The following EPHA6 variants were observed in gnomAD, a reference collection of about 807,000 sequenced individuals.
The protein encoded by EPHA6 is ephrin type-A receptor 6.
Under a neutral mutation model 112.0 loss-of-function variants are expected in EPHA6, and 50 were observed. That is an observed-to-expected ratio of 0.45 (90% CI 0.36 to 0.56). The LOEUF is 0.56. Ranked by LOEUF, EPHA6 falls within the 20% of genes least tolerant of loss-of-function variation. The probability of loss-of-function intolerance (pLI) is 0.00; values close to 1 mark genes in which losing one functional copy is unlikely to be tolerated. For synonymous variants in EPHA6, 529 were observed against 490.7 expected, an observed-to-expected ratio of 1.08 and a Z score of -1.03; for missense variants, 1,280 against 1,417.4, an observed-to-expected ratio of 0.90 and a Z score of 1.56.
chr3:97,032,838 G>A lies in EPHA6; in HGVS notation c.1114+44845G>A, dbSNP rs77701004. 8.6e-4 allele frequency among the ~76,000 whole-genome samples: 131 copies of A among 151,936 alleles called. No individual in the cohort carries two copies. In the East Asian group the frequency reaches 9.1e-3, roughly 11 times the overall value. ...GATAAAAGGCAAAATATTTTTTATCGGCTGAATCGCAATATAAGATGGACA... is the reference window on the plus strand; with the variant it reads ...GATAAAAGGCAAAATATTTTTTATCAGCTGAATCGCAATATAAGATGGACA... On this transcript the variant is annotated intron_variant, in intron 3 of 17. Transcript: ENST00000389672.
At chr3:97,223,814 G>A (rs4857249) in intron 3 of EPHA6, among the ~76,000 whole-genome samples, 36,077 of 152,164 alleles carry the variant, frequency 0.24, 11,075 homozygotes, top group African/African-American at 0.7. Context: ...CATGGGCAAC[G>A]TTGTAATCCA....
At chr3:97,186,036 G>A (rs889493858) in intron 3 of EPHA6, among the ~76,000 whole-genome samples, 1 of 134,548 alleles carries the variant, frequency 7.4e-6, no homozygotes, top group Non-Finnish European at 1.6e-5. Flanking sequence ...CACAAGAAGG[G>A]GAACATCACA....
At chr3:97,098,993 G>A (rs1445012533) in intron 3 of EPHA6, among the ~76,000 whole-genome samples, 1 of 151,886 alleles carries the variant, frequency 6.6e-6, no homozygotes, top group Non-Finnish European at 1.5e-5. Flanking sequence ...GCATGTAACA[G>A]TGTGGACAGA....
At chr3:97,043,330 CT>C (rs1663868002) in intron 3 of EPHA6, among the ~76,000 whole-genome samples, 1 of 152,092 alleles carries the variant, frequency 6.6e-6, no homozygotes, top group Non-Finnish European at 1.5e-5. Context: ...CAAACCTGAG[CT>C]GCCCATTCTC....
chr3:97,508,262 T>C (rs1324101985), intron 10 of EPHA6, among the ~76,000 whole-genome samples: 1 of 152,172 alleles, frequency 6.6e-6, no homozygotes, highest in Non-Finnish European at 1.5e-5. Flanking sequence ...TGTTAGGGTG[T>C]CAGTTTAGAT....
chr3:97,330,578 C>A (rs1233953911), intron 5 of EPHA6, among the ~76,000 whole-genome samples: 1 of 151,720 alleles, frequency 6.6e-6, no homozygotes, highest in Non-Finnish European at 1.5e-5. Flanking sequence ...CTCTTTGAAG[C>A]AGGCAGGGGT....
intron 4 of EPHA6, among the ~76,000 whole-genome samples, chr3:97,229,220 A>G (rs2078450390): frequency 6.6e-6 from 1 of 151,980 alleles, no homozygotes; most frequent in African/African-American, 2.4e-5. Context: ...TTTTAGTTTA[A>G]TTAGGTCTTA....
At chr3:97,217,926 C>T (rs989027025) in intron 3 of EPHA6, among the ~76,000 whole-genome samples, 1 of 152,086 alleles carries the variant, frequency 6.6e-6, no homozygotes. Flanking sequence ...GTACTTTAGA[C>T]TTTGAAGTCT....
intron 2 of EPHA6, among the ~76,000 whole-genome samples, chr3:96,903,006 A>C (rs1285305191): frequency 6.6e-6 from 1 of 152,226 alleles, no homozygotes; most frequent in Non-Finnish European, 1.5e-5. Context: ...ACTGTAATGT[A>C]ATATGATGAT....
intron 3 of EPHA6, among the ~76,000 whole-genome samples, chr3:97,070,167 T>C (rs1423610540): frequency 2.0e-5 from 3 of 152,300 alleles, no homozygotes; most frequent in Non-Finnish European, 2.9e-5. Context: ...TCAGAGCTTT[T>C]GTTATCAACC....
At position 97,496,899 on chromosome 3, in the gene EPHA6, A is replaced by G. The variant is rs146910011; in HGVS notation, c.2200+12840A>G. On this transcript the variant is annotated intron_variant, in intron 10 of 17. Coordinates refer to ENST00000389672, the MANE Select transcript of EPHA6 (RefSeq NM_001080448.3). ...TGAAATCATTATTTAGGATAGGATT[A>G]CAAATTTCCCTCATTTGTAGTGAGA... is the stretch of plus-strand genomic sequence containing the variant. Among the ~76,000 whole-genome samples the G allele has an allele frequency of 6.5e-3, 995 of 152,166 alleles. 12 individuals carry two copies. Among genetic ancestry groups the G allele is most frequent in the African/African-American group, 0.022 (916 of 41,510 alleles).
At chr3:96,910,189 T>G (rs2039145410) in intron 2 of EPHA6, among the ~76,000 whole-genome samples, 1 of 152,064 alleles carries the variant, frequency 6.6e-6, no homozygotes, top group Non-Finnish European at 1.5e-5. Flanking sequence ...GGCATTGTGT[T>G]ATGGTTAAAT....
intron 3 of EPHA6, among the ~76,000 whole-genome samples, chr3:97,171,080 G>A (rs930249506): frequency 6.6e-6 from 1 of 152,088 alleles, no homozygotes; most frequent in African/African-American, 2.4e-5. Flanking sequence ...AACTAACCAG[G>A]AAAAAATTGT....
intron 2 of EPHA6, among the ~76,000 whole-genome samples, chr3:96,910,651 C>T (rs1476769059): frequency 1.3e-5 from 2 of 151,876 alleles, no homozygotes; most frequent in Admixed American, 6.6e-5. Flanking sequence ...CTTTTCTTTT[C>T]TTAAATCTTT....
chr3:97,452,540 C>T (rs924899123), intron 7 of EPHA6, among the ~76,000 whole-genome samples: 7 of 151,556 alleles, frequency 4.6e-5, no homozygotes, highest in Non-Finnish European at 8.9e-5. Context: ...TGTGTACTGG[C>T]CTTATTATTA....
intron 7 of EPHA6, among the ~76,000 whole-genome samples, chr3:97,459,268 G>T (rs1301553609): frequency 5.3e-5 from 8 of 152,186 alleles, no homozygotes; most frequent in African/African-American, 1.9e-4. Flanking sequence ...CTGTGCCAAA[G>T]GCATCAGCAA....
At chr3:97,215,610 CA>C (rs11340632) in intron 3 of EPHA6, among the ~76,000 whole-genome samples, 17,207 of 121,940 alleles carry the variant, frequency 0.14, 2,774 homozygotes, top group African/African-American at 0.39. Context: ...AACTTTGTCT[CA>C]AAAAAAAAAA....
intron 7 of EPHA6, among the ~76,000 whole-genome samples, chr3:97,459,805 C>T (rs1365398529): frequency 6.6e-6 from 1 of 152,220 alleles, no homozygotes; most frequent in Admixed American, 6.5e-5. Context: ...ACTGAAGGTG[C>T]TAGAACCTTG....
chr3:97,516,655 G>GT (rs1243883406), intron 10 of EPHA6, among the ~76,000 whole-genome samples: 1 of 152,042 alleles, frequency 6.6e-6, no homozygotes, highest in Non-Finnish European at 1.5e-5. Flanking sequence ...ATCTAATGTT[G>GT]TATGTTTTTT....
Sources: allele counts gnomAD v4.1 joint callset (sites outside exome capture counted in the v4.1 genomes callset), GRCh38; gene constraint gnomAD v4.1.1; transcripts MANE v1.5; gene names NCBI Gene and HGNC (gene_info 2026-07-23, HGNC 2026-07-21).